PROM1: variants seen among roughly 807,000 people sequenced by gnomAD.
The protein encoded by PROM1 is prominin 1.
A neutral mutation model predicts 116.9 loss-of-function variants in PROM1; 105 were observed. The observed-to-expected ratio is 0.90, with a 90% CI of 0.77 to 1.06. The LOEUF (loss-of-function observed/expected upper bound fraction) is 1.06. Ranked by LOEUF, PROM1 falls within the 50% of genes least tolerant of loss-of-function variation. The pLI, the probability that PROM1 is intolerant of heterozygous loss-of-function variation, is 0.00. For missense variants in PROM1, 1,122 were observed against 1,045.2 expected (o/e 1.07, Z -1.01); for synonymous variants, 393 against 387.0 (o/e 1.02, Z -0.18).
intron 13 of PROM1, among the ~76,000 whole-genome samples, chr4:16,004,615 C>G (rs1724690277): frequency 1.3e-5 from 2 of 152,156 alleles, no homozygotes; most frequent in African/African-American, 4.8e-5. Flanking sequence ...TAACATTAAA[C>G]TTAAAATCAA....
intron 3 of PROM1, among the ~76,000 whole-genome samples, chr4:16,038,186 C>G (rs1734360291): frequency 6.6e-6 from 1 of 152,158 alleles, no homozygotes; most frequent in Non-Finnish European, 1.5e-5. Context: ...TCTCCACCTT[C>G]CTTCATTTCT....
chr4:16,003,611 C>T (rs1490380022), intron 13 of PROM1, among the ~76,000 whole-genome samples: 1 of 152,144 alleles, frequency 6.6e-6, no homozygotes, highest in South Asian at 2.1e-4. Context: ...CCTACGCCCC[C>T]CTGCAACAGA....
At chr4:16,050,664 G>C (rs1228473964) in intron 2 of PROM1, among the ~76,000 whole-genome samples, 2 of 152,140 alleles carry the variant, frequency 1.3e-5, no homozygotes, top group Non-Finnish European at 2.9e-5. Context: ...CCTAATCCAG[G>C]CTATTTTAAA....
chr4:16,049,989 G>A (rs368140388), intron 2 of PROM1, among the ~76,000 whole-genome samples: 13 of 152,086 alleles, frequency 8.5e-5, no homozygotes, highest in East Asian at 5.8e-4. Flanking sequence ...TGGGCAGGGC[G>A]CGGTGGCTCA....
chr4:16,033,572 T>C (rs1733264989), intron 4 of PROM1, 63 bp from the exon 5 acceptor site: 2 of 922,946 alleles, frequency 2.2e-6, no homozygotes, highest in South Asian at 2.0e-5. Flanking sequence ...GAACATTCCA[T>C]GGTGTACAAA....
intron 23 of PROM1, among the ~76,000 whole-genome samples, chr4:15,981,460 T>A (rs1454912941): frequency 4.0e-5 from 6 of 151,598 alleles, no homozygotes; most frequent in African/African-American, 1.5e-4. Flanking sequence ...TAATCCCAGC[T>A]ACTCGGGAGG....
At chr4:15,999,722 C>A (rs1368438755) in intron 14 of PROM1, among the ~76,000 whole-genome samples, 4 of 151,980 alleles carry the variant, frequency 2.6e-5, no homozygotes, top group Non-Finnish European at 5.9e-5. Flanking sequence ...TCTCCCTCGA[C>A]CAGTGAAATA....
chr4:16,019,137 G>T (rs1019897439), intron 8 of PROM1, among the ~76,000 whole-genome samples: 1 of 152,162 alleles, frequency 6.6e-6, no homozygotes, highest in African/African-American at 2.4e-5. Context: ...CAACATGGGG[G>T]TTAGATCGGC....
chr4:16,055,707 T>C (rs1404276936), intron 2 of PROM1, among the ~76,000 whole-genome samples: 1 of 152,160 alleles, frequency 6.6e-6, no homozygotes, highest in Non-Finnish European at 1.5e-5. Flanking sequence ...TTGACGGTAA[T>C]GAGAAATATA....
rs183785806 is a variant in PROM1 at position 16,041,882 on chromosome 4, A to C, written c.221-2881T>G. Among the ~76,000 whole-genome samples, 101 of 151,726 alleles carry C rather than the reference A, an allele frequency of 6.7e-4. 2 individuals are homozygous for C. The highest frequency in any genetic ancestry group is 2.3e-3 in the African/African-American group (96 of 41,358). On this transcript the variant is annotated intron_variant, in intron 2 of 27. Coordinates refer to ENST00000447510, the MANE Select transcript of PROM1 (RefSeq NM_006017.3). Reference sequence around the variant, plus strand: ...CTCAGCCCTTAATCGTGGTTCACTGAAGGCTCAAATTCCTGGACTCAAGTT... The same window carrying C: ...CTCAGCCCTTAATCGTGGTTCACTGCAGGCTCAAATTCCTGGACTCAAGTT...
intron 14 of PROM1, 121 bp from the exon 15 acceptor site, chr4:15,998,609 G>A (rs1722908892): frequency 9.0e-7 from 1 of 1,107,262 alleles, no homozygotes; most frequent in East Asian, 3.2e-5. Context: ...TATTTTTCTG[G>A]TTGATTTCCA....
intron 2 of PROM1, among the ~76,000 whole-genome samples, chr4:16,068,910 A>C (rs1223349094): frequency 1.3e-5 from 2 of 152,160 alleles, no homozygotes; most frequent in African/African-American, 4.8e-5. Context: ...TATTTTTACA[A>C]ATAGGCCAAC....
At chr4:16,037,494 T>C (rs186638102) in intron 3 of PROM1, among the ~76,000 whole-genome samples, 1 of 152,322 alleles carries the variant, frequency 6.6e-6, no homozygotes, top group African/African-American at 2.4e-5. Flanking sequence ...GTTAAGAATA[T>C]GATGAGGCCA....
At chr4:16,068,019 T>A (rs1186451617) in intron 2 of PROM1, among the ~76,000 whole-genome samples, 1 of 152,018 alleles carries the variant, frequency 6.6e-6, no homozygotes, top group East Asian at 1.9e-4. Context: ...TTCTCCACCA[T>A]GAGGACTGCA....
At chr4:15,979,626 T>C (rs1717245788) in intron 25 of PROM1, among the ~76,000 whole-genome samples, 163 bp from the exon 26 acceptor site, 1 of 152,206 alleles carries the variant, frequency 6.6e-6, no homozygotes, top group African/African-American at 2.4e-5. Flanking sequence ...CCTTTTAAAC[T>C]TCAAAGACCA....
At chr4:16,028,348 G>A (rs530954593) in intron 5 of PROM1, among the ~76,000 whole-genome samples, 79 of 152,192 alleles carry the variant, frequency 5.2e-4, no homozygotes, top group Non-Finnish European at 2.9e-4. Flanking sequence ...AAATGGGCTG[G>A]AGGAGCAGCT....
chr4:16,005,257 CCAGA>C (rs1284522934), intron 13 of PROM1, among the ~76,000 whole-genome samples: 3 of 152,132 alleles, frequency 2.0e-5, no homozygotes, highest in South Asian at 2.1e-4. Context: ...GCCATCGTGC[CCAGA>C]CAAATATAAT....
At chr4:16,082,358 G>T (rs547379983) in intron 1 of PROM1, among the ~76,000 whole-genome samples, 1 of 151,904 alleles carries the variant, frequency 6.6e-6, no homozygotes. Context: ...GTCTCGGGGG[G>T]CACTCAAGAA....
intron 10 of PROM1, 113 bp downstream of exon 10, chr4:16,016,053 G>T: frequency 1.0e-6 from 1 of 953,170 alleles, no homozygotes; most frequent in Non-Finnish European, 1.6e-6. Context: ...ACCCTTCTTG[G>T]CAACCTTTCT....
Sources: allele counts gnomAD v4.1 joint callset (sites outside exome capture counted in the v4.1 genomes callset), GRCh38; gene constraint gnomAD v4.1.1; transcripts MANE v1.5; gene names NCBI Gene and HGNC (gene_info 2026-07-23, HGNC 2026-07-21).